Variants in MEGF11 observed in about 807,000 individuals in gnomAD.
MEGF11 encodes the protein multiple epidermal growth factor-like domains protein 11.
Under a neutral mutation model 146.6 loss-of-function variants are expected in MEGF11, and 126 were observed. That is an observed-to-expected ratio of 0.86 (90% CI 0.74 to 1.00). The LOEUF is 1.00. Ranked by LOEUF, MEGF11 falls within the 50% of genes least tolerant of loss-of-function variation. MEGF11 has a pLI of 0.00. For missense variants in MEGF11, 1,509 were observed against 1,521.2 expected (o/e 0.99, Z 0.13); for synonymous variants, 532 against 583.4 (o/e 0.91, Z 1.27).
In MEGF11 at chr15:65,970,657, C is replaced by T; in HGVS notation, c.795G>A (p.Gly265=). Residue 265 remains glycine, a synonymous_variant, in exon 8 of 26, where the codon GGG becomes GGA. Transcript: ENST00000395614. ...CCTGGCTGCAGTTCTGGCCAAATGT[C>T]CCTGGTGGGCAGGGCTGGGCACACA... is the stretch of plus-strand genomic sequence containing the variant. ...GAVCAQPCPP[G]TFGQNCSQDC... is the part of the protein sequence containing the mutation. 1 of 1,613,010 alleles carries T rather than the reference C, an allele frequency of 6.2e-7. No individual in the cohort carries two copies. Among genetic ancestry groups the T allele is most frequent in the Non-Finnish European group, 8.5e-7 (1 of 1,179,468 alleles).
chr15:66,128,922 G>A (rs148246685), intron 1 of MEGF11, among the ~76,000 whole-genome samples: 60 of 152,272 alleles, frequency 3.9e-4, no homozygotes, highest in African/African-American at 1.4e-3. Flanking sequence ...AGAAAACCCT[G>A]AGCTCTGGGC....
chr15:66,036,018 T>C (rs1448049655), intron 5 of MEGF11, among the ~76,000 whole-genome samples: 3 of 152,246 alleles, frequency 2.0e-5, no homozygotes, highest in Non-Finnish European at 4.4e-5. Flanking sequence ...TTCAGTCCAG[T>C]GTCCTTTCTG....
chr15:66,043,422 T>G (rs866626667), intron 5 of MEGF11, among the ~76,000 whole-genome samples: 1 of 152,238 alleles, frequency 6.6e-6, no homozygotes, highest in Non-Finnish European at 1.5e-5. Flanking sequence ...GCAGGACTTC[T>G]GAGGGATGTC....
intron 10 of MEGF11, among the ~76,000 whole-genome samples, chr15:65,952,078 T>C (rs1276625527): frequency 6.6e-6 from 1 of 152,228 alleles, no homozygotes; most frequent in East Asian, 1.9e-4. Flanking sequence ...ATAATTGTTC[T>C]ATTATTAGTT....
intron 1 of MEGF11, among the ~76,000 whole-genome samples, chr15:66,253,402 C>T (rs188783606): frequency 0.02 from 3,068 of 152,312 alleles, 96 homozygotes; most frequent in African/African-American, 0.071. Context: ...CCTGCAAGCC[C>T]CGGCATCCAC....
chr15:66,226,028 C>A (rs943283913), intron 1 of MEGF11, among the ~76,000 whole-genome samples: 1 of 152,178 alleles, frequency 6.6e-6, no homozygotes, highest in Non-Finnish European at 1.5e-5. Context: ...ATGGCAAATT[C>A]AAGAAATAAA....
At chr15:65,901,316 C>T (rs2078489413) in intron 24 of MEGF11, among the ~76,000 whole-genome samples, 1 of 151,318 alleles carries the variant, frequency 6.6e-6, no homozygotes, top group Non-Finnish European at 1.5e-5. Context: ...ATTGCACCTG[C>T]CTCAACTGCA....
At chr15:66,239,143 C>T (rs1018699319) in intron 1 of MEGF11, among the ~76,000 whole-genome samples, 10 of 152,194 alleles carry the variant, frequency 6.6e-5, no homozygotes, top group Non-Finnish European at 1.3e-4. Flanking sequence ...TCACCTTACT[C>T]GGGAAGGACA....
chr15:66,211,335 A>G (rs1597154043), intron 1 of MEGF11, among the ~76,000 whole-genome samples: 1 of 152,136 alleles, frequency 6.6e-6, no homozygotes, highest in Admixed American at 6.5e-5. Flanking sequence ...CATCTTGGCT[A>G]ACACGGTGAA....
chr15:66,102,448 T>TC (rs1164140212), intron 4 of MEGF11, among the ~76,000 whole-genome samples: 110 of 142,262 alleles, frequency 7.7e-4, no homozygotes, highest in South Asian at 4.7e-4. Flanking sequence ...TTTTTTTTTT[T>TC]TTTGAGACAG....
intron 1 of MEGF11, among the ~76,000 whole-genome samples, chr15:66,251,416 C>T (rs147344807): frequency 6.6e-5 from 10 of 152,230 alleles, no homozygotes; most frequent in Non-Finnish European, 1.5e-4. Context: ...GCTCCTCTTT[C>T]CCTATGGGTT....
intron 1 of MEGF11, among the ~76,000 whole-genome samples, chr15:66,191,979 G>C (rs1240701465): frequency 6.6e-6 from 1 of 152,120 alleles, no homozygotes; most frequent in East Asian, 1.9e-4. Context: ...TCAGGAGGCT[G>C]AGACAGGAGA....
intron 1 of MEGF11, among the ~76,000 whole-genome samples, chr15:66,163,533 T>C (rs1162265488): frequency 6.6e-6 from 1 of 152,184 alleles, no homozygotes; most frequent in East Asian, 1.9e-4. Flanking sequence ...CTTTCCCGCC[T>C]GGAAGTTCTG....
At chr15:65,971,497 G>A (rs528986011) in intron 7 of MEGF11, among the ~76,000 whole-genome samples, 1 of 152,316 alleles carries the variant, frequency 6.6e-6, no homozygotes, top group South Asian at 2.1e-4. Flanking sequence ...TGGTGTCACA[G>A]GCTGTGGACA....
chr15:65,982,440 C>T lies in MEGF11; in HGVS notation c.443G>A (p.Cys148Tyr). ...WGPHCSNRCQ[C>Y]QNGALCNPIT... ...GGGGTTACACAGGGCGCCGTTCTGG[C>T]ACTGGCACCGGTTGCTGCAGTGGGG... The change falls in exon 6 of 26, where the codon TGC becomes TAC. Residue 148 changes from cysteine to tyrosine, a missense_variant. Cys to Tyr is a radical substitution (Grantham distance 194). Coordinates refer to ENST00000395614, the MANE Select transcript of MEGF11 (RefSeq NM_001385028.1). This position sits in a 1 kb window ranked among gnomAD's most constrained non-coding sequence, Gnocchi z 5.6. 1 of 1,495,200 alleles carries T rather than the reference C, an allele frequency of 6.7e-7. No individual in the cohort carries two copies. The highest frequency in any genetic ancestry group is 8.9e-7 in the Non-Finnish European group (1 of 1,120,464). 92.6% of individuals were successfully genotyped at this position (1,495,200 alleles called of 1,614,324 possible).
In MEGF11 at chr15:66,152,703, G is replaced by A. The variant is rs149063068; in HGVS notation, c.-8-24292C>T. 2.2e-3 allele frequency among the ~76,000 whole-genome samples: 340 copies of A among 152,310 alleles called. 3 individuals carry two copies. Among genetic ancestry groups the A allele is most frequent in the Middle Eastern group, 0.014 (4 of 294 alleles). The stretch of plus-strand genomic sequence containing the variant: ...CTTCCTTGACAGGAGAATGCAGAGC[G>A]AGGGGCACATGAGACTCTCCCCCTG... On this transcript the variant is annotated intron_variant, in intron 1 of 25. Coordinates refer to ENST00000395614, the MANE Select transcript of MEGF11 (RefSeq NM_001385028.1).
chr15:66,234,922 C>T (rs967500094), intron 1 of MEGF11, among the ~76,000 whole-genome samples: 16 of 152,182 alleles, frequency 1.1e-4, no homozygotes, highest in African/African-American at 3.9e-4. Context: ...ACCAGGTCCT[C>T]TCTGCCCTTC....
At chr15:66,204,894 A>C (rs754297105) in intron 1 of MEGF11, among the ~76,000 whole-genome samples, 22 of 151,982 alleles carry the variant, frequency 1.4e-4, no homozygotes, top group Non-Finnish European at 2.5e-4. Flanking sequence ...ACATAAGAAG[A>C]CTGTGAAAGG....
rs567079647 is a variant in MEGF11 at position 66,108,846 on chromosome 15, C to A, written c.301+10240G>T. On this transcript the variant is annotated intron_variant, in intron 4 of 25. Coordinates refer to ENST00000395614, the MANE Select transcript of MEGF11 (RefSeq NM_001385028.1). Reference sequence around the variant, plus strand: ...TGGCAAGTTCCCGTAGAGAAACTGGCGCTTAGACTGGGCACAGGGTAGCCA... The same window carrying A: ...TGGCAAGTTCCCGTAGAGAAACTGGAGCTTAGACTGGGCACAGGGTAGCCA... Among the ~76,000 whole-genome samples the A allele has an allele frequency of 4.0e-4, 61 of 152,304 alleles. 3 individuals are homozygous for A. The South Asian group carries it at 0.013, about 32-fold the overall frequency.
Sources: allele counts gnomAD v4.1 joint callset (sites outside exome capture counted in the v4.1 genomes callset), GRCh38; gene constraint gnomAD v4.1.1; non-coding constraint Gnocchi (gnomAD v3.1); transcripts MANE v1.5; gene names NCBI Gene and HGNC (gene_info 2026-07-23, HGNC 2026-07-21).